Variants in PXDN observed in about 807,000 individuals in gnomAD.
PXDN encodes the protein peroxidasin.
A neutral mutation model predicts 140.3 loss-of-function variants in PXDN; 77 were observed. That is an observed-to-expected ratio of 0.55 (90% CI 0.46 to 0.66). The LOEUF (loss-of-function observed/expected upper bound fraction) is 0.66, where lower values mean the gene tolerates loss of function less well. Ranked by LOEUF, PXDN falls within the 30% of genes least tolerant of loss-of-function variation. PXDN has a pLI of 0.00. For synonymous variants in PXDN, 911 were observed against 857.4 expected (o/e 1.06, Z -1.09); for missense variants, 1,838 against 2,039.5 (o/e 0.90, Z 1.90).
At chr2:1,658,759 C>A (rs1374838707) in intron 14 of PXDN, among the ~76,000 whole-genome samples, 1 of 145,968 alleles carries the variant, frequency 6.9e-6, no homozygotes, top group Non-Finnish European at 1.5e-5. Flanking sequence ...TCCCCACCCC[C>A]CGGCATCGGG....
chr2:1,634,413 CGG>C, intron 22 of PXDN, 90 bp from the exon 23 acceptor site: 2 of 1,462,616 alleles, frequency 1.4e-6, no homozygotes, highest in Non-Finnish European at 1.8e-6. Flanking sequence ...GTGTCAGCCA[CGG>C]CCATGAGTCA....
chr2:1,645,188 G>C (rs1682822694), intron 17 of PXDN, among the ~76,000 whole-genome samples: 1 of 151,982 alleles, frequency 6.6e-6, no homozygotes, highest in Non-Finnish European at 1.5e-5. Flanking sequence ...CATTTTTAAA[G>C]AATAACATTT....
At chr2:1,683,751 A>G in intron 5 of PXDN, 24 bp from the exon 6 acceptor site, 2 of 1,550,012 alleles carry the variant, frequency 1.3e-6, no homozygotes, top group South Asian at 1.2e-5. Context: ...TTTTATAACA[A>G]ACCAATTTTG....
chr2:1,653,778 G>A lies in PXDN; in HGVS notation c.1954C>T (p.Arg652Cys), dbSNP rs752428115. 16 of 1,572,160 alleles carry A rather than the reference G, an allele frequency of 1.0e-5. 1 individual carries two copies. Among genetic ancestry groups the A allele is most frequent in the South Asian group, 9.3e-5 (8 of 85,676 alleles). ...TRTHLFDSRPRSPNDLLALFR... is the reference protein window; with the variant it reads ...TRTHLFDSRPCSPNDLLALFR... ...AAGGCCAGCAAATCATTTGGAGAAC[G>A]AGGACGGCTAACCAGAGTTTAGGGG... The change falls in exon 16 of 23, where the codon CGT (arginine) becomes TGT (cysteine). Residue 652 changes from arginine to cysteine, a missense_variant. This residue lies in a region of PXDN where 537 missense variants were observed against 583.9 expected (regional missense o/e 0.92). Coordinates refer to ENST00000252804, the MANE Select transcript of PXDN (RefSeq NM_012293.3).
intron 1 of PXDN, among the ~76,000 whole-genome samples, chr2:1,729,693 C>A (rs965520110): frequency 6.6e-6 from 1 of 152,106 alleles, no homozygotes; most frequent in Admixed American, 6.5e-5. Context: ...CCACCTGTTC[C>A]CCAAAAATCT....
At position 1,687,993 on chromosome 2, in the gene PXDN, T is replaced by C. The variant is rs911054451; in HGVS notation, c.345-290A>G. ...ACTATGGCTAATGAATTGCTGACAA[T>C]ACATTTGCTTCAAAGCCTGAAGAAG... On this transcript the variant is annotated intron_variant, in intron 3 of 22. Coordinates refer to ENST00000252804, the MANE Select transcript of PXDN (RefSeq NM_012293.3). This position sits in a 1 kb window ranked among gnomAD's most constrained non-coding sequence, Gnocchi z 4.0. Among the ~76,000 whole-genome samples the C allele has an allele frequency of 1.3e-5, 2 of 152,180 alleles. No homozygotes were observed. The highest frequency in any genetic ancestry group is 2.4e-5 in the African/African-American group (1 of 41,440).
At chr2:1,662,510 G>A (rs1280291255) in intron 12 of PXDN, among the ~76,000 whole-genome samples, 2 of 152,210 alleles carry the variant, frequency 1.3e-5, no homozygotes, top group African/African-American at 4.8e-5. Context: ...GTCCCTCACC[G>A]ATGGTGGGGC....
At position 1,662,156 on chromosome 2, in the gene PXDN, G is replaced by A. The variant is rs375578544; in HGVS notation, c.1596C>T (p.Ser532=). 1.7e-4 allele frequency: 273 copies of A among 1,591,610 alleles called. No individual in the cohort carries two copies. The highest frequency in any genetic ancestry group is 2.8e-4 in the Admixed American group (16 of 56,480). Residue 532 remains serine (S), a synonymous_variant, in exon 13 of 23, where the codon AGC becomes AGT. Transcript: ENST00000252804. The part of the protein sequence containing the change: ...RVTPVFASIP[S]DTTVEVGANV... ...TGGCGCCCACCTCCACTGTTGTGTC[G>A]CTGGGAATGCTGGCAAACACTGGGG...
At chr2:1,692,509 C>A in intron 2 of PXDN, 1 of 471,692 alleles carries the variant, frequency 2.1e-6, no homozygotes, top group Non-Finnish European at 4.4e-6. Context: ...GTCCCACAGT[C>A]CCCATGACCC....
chr2:1,731,439 G>A (rs567607029), intron 1 of PXDN, among the ~76,000 whole-genome samples: 6 of 152,194 alleles, frequency 3.9e-5, no homozygotes, highest in Admixed American at 1.3e-4. Context: ...CATCAGCTCC[G>A]AGCAGGTGGG....
chr2:1,734,350 G>C lies in PXDN; in HGVS notation c.200+9906C>G, dbSNP rs970077546. Among the ~76,000 whole-genome samples, 4 of 152,286 alleles carry C rather than the reference G, an allele frequency of 2.6e-5. No homozygotes were observed. The East Asian group carries it at 5.8e-4, about 22-fold the overall frequency. ...ATTTTATAAAACACCTGAGCCTTCAGAGAGTTTTCTTCTTTTGGCTGGTAG... is the reference window on the plus strand; with the variant it reads ...ATTTTATAAAACACCTGAGCCTTCACAGAGTTTTCTTCTTTTGGCTGGTAG... On this transcript the variant is annotated intron_variant, in intron 1 of 22. Coordinates refer to ENST00000252804, the MANE Select transcript of PXDN (RefSeq NM_012293.3).
At position 1,653,695 on chromosome 2, in the gene PXDN, A is replaced by G. The variant is rs1485163129; in HGVS notation, c.2037T>C (p.Phe679=). The G allele has an allele frequency of 6.8e-6, 11 of 1,610,556 alleles. No homozygotes were observed. The highest frequency in any genetic ancestry group is 8.5e-6 in the Non-Finnish European group (10 of 1,178,542). Residue 679 remains phenylalanine (F), a synonymous_variant, in exon 16 of 23, where the codon TTT becomes TTC. Coordinates refer to ENST00000252804, the MANE Select transcript of PXDN (RefSeq NM_012293.3). ...CCTGAATGAGCTGCAATGTCCGTTC[A>G]AAGATTTCTCCCGCCCGTGCCTGTT... The part of the protein sequence containing the change: ...TVEQARAGEI[F]ERTLQLIQEH...
intron 15 of PXDN, 156 bp from the exon 16 acceptor site, chr2:1,653,941 CAAAACA>C: frequency 1.1e-6 from 1 of 877,196 alleles, no homozygotes. Flanking sequence ...TGGGAGGCAA[CAAAACA>C]AAAACAAAAC....
intron 1 of PXDN, among the ~76,000 whole-genome samples, chr2:1,736,849 A>G (rs145700864): frequency 1.3e-5 from 2 of 152,308 alleles, no homozygotes; most frequent in South Asian, 2.1e-4. Flanking sequence ...ATTATGTCTG[A>G]TAAGAGTTTT....
chr2:1,705,374 T>C (rs1684572244), intron 1 of PXDN, among the ~76,000 whole-genome samples: 1 of 151,894 alleles, frequency 6.6e-6, no homozygotes, highest in Non-Finnish European at 1.5e-5. Flanking sequence ...CCCCACGACC[T>C]GGGATGCAGG....
At chr2:1,726,514 G>A (rs1404345012) in intron 1 of PXDN, among the ~76,000 whole-genome samples, 6 of 151,686 alleles carry the variant, frequency 4.0e-5, no homozygotes, top group African/African-American at 9.7e-5. Context: ...CACCAGCATG[G>A]CACATGTATA....
intron 1 of PXDN, among the ~76,000 whole-genome samples, chr2:1,743,496 A>C (rs1350976812): frequency 1.3e-5 from 2 of 151,192 alleles, no homozygotes; most frequent in African/African-American, 4.8e-5. Context: ...CGCTCCGGGC[A>C]GATGCGGGGG....
chr2:1,686,087 G>A (rs1172470893), intron 4 of PXDN, among the ~76,000 whole-genome samples: 1 of 151,412 alleles, frequency 6.6e-6, no homozygotes, highest in Non-Finnish European at 1.5e-5. Context: ...CTGTAGAGCC[G>A]ATCCGGGGAA....
chr2:1,687,541 G>T lies in PXDN; in HGVS notation c.416+91C>A. 1.0e-6 allele frequency: 1 copy of T among 992,798 alleles called. No individual in the cohort carries two copies. Among genetic ancestry groups the T allele is most frequent in the Non-Finnish European group, 1.4e-6 (1 of 691,642 alleles). The allele number at this position is 992,798 out of a possible 1,614,324, so 61.5% of individuals were successfully genotyped here. A position where few individuals can be genotyped will look rare whatever the true frequency, so the allele number is the denominator to read the frequency against. ...CTCAGGTAGCATAGTCATGCATCAT[G>T]CAAACAGCTAGCTCACTCCACTGGT... On this transcript the variant is annotated intron_variant, in intron 4 of 22. Transcript: ENST00000252804. The surrounding 1 kb of genome is among the most constrained non-coding windows in gnomAD (Gnocchi z 4.0).
Sources: allele counts gnomAD v4.1 joint callset (sites outside exome capture counted in the v4.1 genomes callset), GRCh38; gene constraint gnomAD v4.1.1; regional missense constraint gnomAD v4.1.1; non-coding constraint Gnocchi (gnomAD v3.1); transcripts MANE v1.5; gene names NCBI Gene and HGNC (gene_info 2026-07-23, HGNC 2026-07-21).